The following ADAMTS2 variants were observed in gnomAD, a reference collection of about 807,000 sequenced individuals.
The protein encoded by ADAMTS2 is A disintegrin and metalloproteinase with thrombospondin motifs 2.
In ADAMTS2, 50 loss-of-function variants were observed where a neutral mutation model predicts 123.0. The ratio of observed to expected loss-of-function variants is 0.41; its 90% CI spans 0.32 to 0.51. The LOEUF is 0.51. ADAMTS2 is among the 20% of genes least tolerant of loss of function. The probability of loss-of-function intolerance (pLI) is 0.35; values close to 1 mark genes in which losing one functional copy is unlikely to be tolerated. For missense variants in ADAMTS2, 1,494 were observed against 1,705.2 expected (o/e 0.88, Z 2.18); for synonymous variants, 678 against 695.4 (o/e 0.98, Z 0.39).
rs549853502 is a variant in ADAMTS2 at position 179,202,081 on chromosome 5, T to C, written c.891+5432A>G. On this transcript the variant is annotated intron_variant, in intron 4 of 21. Transcript: ENST00000251582. This position sits in a 1 kb window ranked among gnomAD's most constrained non-coding sequence, Gnocchi z 4.0. ...CCATAGAAAAGGGAATATCACGTCT[T>C]GTCTTTAACATAGACAGGAAGCAGC... 2.0e-5 allele frequency among the ~76,000 whole-genome samples: 3 copies of C among 152,206 alleles called. No homozygotes were observed. Among genetic ancestry groups the C allele is most frequent in the Non-Finnish European group, 4.4e-5 (3 of 68,038 alleles).
chr5:179,338,082 C>T (rs1360480861), intron 2 of ADAMTS2, among the ~76,000 whole-genome samples: 3 of 152,208 alleles, frequency 2.0e-5, no homozygotes, highest in Non-Finnish European at 4.4e-5. Context: ...CACATGGCCG[C>T]GCACATTTAC....
At chr5:179,139,766 G>T (rs1763129293) in intron 11 of ADAMTS2, 124 bp downstream of exon 11, 1 of 1,452,862 alleles carries the variant, frequency 6.9e-7, no homozygotes, top group Non-Finnish European at 9.4e-7. Context: ...GGGGCAGCCT[G>T]CCCTGCACCT....
chr5:179,125,603 CT>C (rs1216407725), intron 18 of ADAMTS2, among the ~76,000 whole-genome samples: 6 of 152,256 alleles, frequency 3.9e-5, no homozygotes, highest in African/African-American at 1.4e-4. Context: ...TGGCCCCCAC[CT>C]GCCCATTTCC....
chr5:179,132,094 G>A lies in ADAMTS2; in HGVS notation c.2290+136C>T. ...CCAGGTGGGCTGAGCAGAGGGACAG[G>A]TTGGGGAGGGGCTGCCCTGGCTCAG... is the stretch of plus-strand genomic sequence containing the variant. On this transcript the variant is annotated intron_variant, in intron 15 of 21. Coordinates refer to ENST00000251582, the MANE Select transcript of ADAMTS2 (RefSeq NM_014244.5). This position sits in a 1 kb window ranked among gnomAD's most constrained non-coding sequence, Gnocchi z 6.1. 1.2e-6 allele frequency: 1 copy of A among 836,570 alleles called. No homozygotes were observed. The highest frequency in any genetic ancestry group is 1.5e-5 in the South Asian group (1 of 68,864). The allele number at this position is 836,570 out of a possible 1,614,324, so 51.8% of individuals were successfully genotyped here.
rs1192902651 is a variant in ADAMTS2 at position 179,272,739 on chromosome 5, A to G, written c.688+172T>C. ...AGGCCCCAGCCCCAGCAGCCCTGCT[A>G]CGCCCTGCCGTCAGCCAGGCAGCTG... On this transcript the variant is annotated intron_variant, in intron 3 of 21. Coordinates refer to ENST00000251582, the MANE Select transcript of ADAMTS2 (RefSeq NM_014244.5). The surrounding 1 kb of genome is among the most constrained non-coding windows in gnomAD (Gnocchi z 5.8). Among the ~76,000 whole-genome samples the G allele has an allele frequency of 6.6e-6, 1 of 152,108 alleles. No individual in the cohort carries two copies. Among genetic ancestry groups the G allele is most frequent in the Non-Finnish European group, 1.5e-5 (1 of 67,996 alleles).
At chr5:179,325,539 T>A (rs1739230050) in intron 2 of ADAMTS2, among the ~76,000 whole-genome samples, 1 of 152,226 alleles carries the variant, frequency 6.6e-6, no homozygotes, top group Non-Finnish European at 1.5e-5. Flanking sequence ...AGCAGTCCTG[T>A]GACGAGGCCT....
chr5:179,132,659 C>G lies in ADAMTS2; in HGVS notation c.2209+118G>C. 1 of 1,459,658 alleles carries G rather than the reference C, an allele frequency of 6.9e-7. No individual in the cohort carries two copies. The highest frequency in any genetic ancestry group is 9.5e-7 in the Non-Finnish European group (1 of 1,048,638). The allele number at this position is 1,459,658 out of a possible 1,614,324, so 90.4% of individuals were successfully genotyped here. A position where few individuals can be genotyped will look rare whatever the true frequency, so the allele number is the denominator to read the frequency against. ...CCCCTCAGTGTCACAGACCTCTCCC[C>G]CTCCCCAGAACAGTCATAAGCCCGG... On this transcript the variant is annotated intron_variant, in intron 14 of 21. Coordinates refer to ENST00000251582, the MANE Select transcript of ADAMTS2 (RefSeq NM_014244.5). This position sits in a 1 kb window ranked among gnomAD's most constrained non-coding sequence, Gnocchi z 6.1.
intron 4 of ADAMTS2, among the ~76,000 whole-genome samples, chr5:179,191,600 G>C (rs1306732542): frequency 7.3e-6 from 1 of 137,320 alleles, no homozygotes; most frequent in Non-Finnish European, 1.6e-5. Context: ...CAGGGGACAG[G>C]AACGGTGTGG....
At chr5:179,123,122 G>A (rs1581137583) in intron 19 of ADAMTS2, among the ~76,000 whole-genome samples, 1 of 152,240 alleles carries the variant, frequency 6.6e-6, no homozygotes, top group East Asian at 1.9e-4. Flanking sequence ...CTGGGCAGGG[G>A]TTGAGGTGGG....
rs1209449389 is a variant in ADAMTS2, at chr5:179,262,823, G to T, written c.688+10088C>A. Among the ~76,000 whole-genome samples, 1 of 152,258 alleles carries T rather than the reference G, an allele frequency of 6.6e-6. No homozygotes were observed. The highest frequency in any genetic ancestry group is 2.4e-5 in the African/African-American group (1 of 41,472). ...GCCCAGAGAACAGGGACTCGATCGG[G>T]TTCCTCCGCTGCTACAGCCCCAGCA... On this transcript the variant is annotated intron_variant, in intron 3 of 21. Coordinates refer to ENST00000251582, the MANE Select transcript of ADAMTS2 (RefSeq NM_014244.5). The surrounding 1 kb of genome is among the most constrained non-coding windows in gnomAD (Gnocchi z 5.9).
intron 3 of ADAMTS2, among the ~76,000 whole-genome samples, chr5:179,235,222 C>A (rs1561613141): frequency 6.6e-6 from 1 of 152,208 alleles, no homozygotes; most frequent in African/African-American, 2.4e-5. Context: ...CTAACCAGAC[C>A]ATGAGCTCCA....
intron 5 of ADAMTS2, among the ~76,000 whole-genome samples, chr5:179,172,523 C>G (rs961626169): frequency 6.6e-6 from 1 of 152,228 alleles, no homozygotes; most frequent in Non-Finnish European, 1.5e-5. Flanking sequence ...GGGGAGACCA[C>G]GTACCTATGG....
intron 7 of ADAMTS2, among the ~76,000 whole-genome samples, chr5:179,154,408 T>C (rs1763428456): frequency 6.6e-6 from 1 of 152,182 alleles, no homozygotes; most frequent in Admixed American, 6.5e-5. Flanking sequence ...CCAGGTATCC[T>C]GTCCCCAGGA....
rs906588140 is a variant in ADAMTS2 at position 179,288,403 on chromosome 5, G to A, written c.535-15339C>T. Among the ~76,000 whole-genome samples the A allele has an allele frequency of 3.9e-5, 6 of 152,204 alleles. No individual in the cohort carries two copies. In the East Asian group the frequency reaches 5.8e-4, roughly 15 times the overall value. ...CAAAAATCAGGCCATACCATCTGAC[G>A]AAGGATCCTGTCTGGTTTATTTATG... On this transcript the variant is annotated intron_variant, in intron 2 of 21. Transcript: ENST00000251582.
chr5:179,138,317 G>A (rs1366215159), intron 11 of ADAMTS2, among the ~76,000 whole-genome samples: 1 of 152,208 alleles, frequency 6.6e-6, no homozygotes, highest in African/African-American at 2.4e-5. Context: ...CCCACAGGGC[G>A]AAAACCCCAG....
At chr5:179,245,961 C>T (rs1196603688) in intron 3 of ADAMTS2, among the ~76,000 whole-genome samples, 1 of 151,962 alleles carries the variant, frequency 6.6e-6, no homozygotes, top group South Asian at 2.1e-4. Flanking sequence ...AAATTCTGCC[C>T]CTCCACAAAA....
intron 2 of ADAMTS2, among the ~76,000 whole-genome samples, chr5:179,321,706 T>C (rs993058258): frequency 1.5e-5 from 2 of 134,370 alleles, no homozygotes; most frequent in Non-Finnish European, 3.1e-5. Flanking sequence ...ACCCAGACCT[T>C]GCCCCTGCAC....
chr5:179,269,815 G>T (rs1766479731), intron 3 of ADAMTS2, among the ~76,000 whole-genome samples: 1 of 152,182 alleles, frequency 6.6e-6, no homozygotes, highest in South Asian at 2.1e-4. Context: ...GGGAAGGGCA[G>T]AGAACAGGGA....
intron 5 of ADAMTS2, among the ~76,000 whole-genome samples, chr5:179,161,239 G>C (rs1383745579): frequency 6.6e-6 from 1 of 152,186 alleles, no homozygotes; most frequent in Non-Finnish European, 1.5e-5. Context: ...TCTGAAGGAG[G>C]AATCGGGCGA....
Sources: allele counts gnomAD v4.1 joint callset (sites outside exome capture counted in the v4.1 genomes callset), GRCh38; gene constraint gnomAD v4.1.1; non-coding constraint Gnocchi (gnomAD v3.1); transcripts MANE v1.5; gene names NCBI Gene and HGNC (gene_info 2026-07-23, HGNC 2026-07-21).